GNAS: variants seen among roughly 807,000 people sequenced by gnomAD.
The protein encoded by GNAS is GNAS complex locus.
GNAS carries 8 observed loss-of-function variants against 54.5 expected under a neutral mutation model. The observed-to-expected ratio is 0.15, with a 90% CI of 0.09 to 0.26. GNAS has a LOEUF of 0.26. Among genes scored for constraint, GNAS ranks in the 10% least tolerant of loss-of-function variants. The pLI, the probability that GNAS is intolerant of heterozygous loss-of-function variation, is 1.00. For missense variants in GNAS, 170 were observed against 529.8 expected (o/e 0.32, Z 6.67); for synonymous variants, 204 against 191.4 (o/e 1.07, Z -0.54).
At chr20:58,874,682 G>GC (rs2087685696) in intron 1 of GNAS, among the ~76,000 whole-genome samples, 2 of 151,420 alleles carry the variant, frequency 1.3e-5, no homozygotes, top group African/African-American at 4.9e-5. Context: ...CTCCTGGCCT[G>GC]CCTTCTATCT....
intron 1 of GNAS, among the ~76,000 whole-genome samples, chr20:58,880,830 T>C (rs1194899416): frequency 6.6e-6 from 1 of 152,246 alleles, no homozygotes; most frequent in African/African-American, 2.4e-5. Context: ...TAGAGTTCTA[T>C]CCTTTAGTCA....
intron 3 of GNAS, chr20:58,899,592 T>C (rs888542279): frequency 5.3e-6 from 3 of 568,850 alleles, no homozygotes; most frequent in Admixed American, 2.4e-5. Context: ...TGGCATCTTT[T>C]ATTTTTCCAT....
chr20:58,886,987 G>A (rs552381504), upstream of GNAS, among the ~76,000 whole-genome samples: 8 of 152,326 alleles, frequency 5.3e-5, no homozygotes, highest in Middle Eastern at 6.8e-3. Context: ...CTGATCTTGC[G>A]TTACCCATTT....
At chr20:58,872,484 C>T (rs982064373) in intron 1 of GNAS, among the ~76,000 whole-genome samples, 1 of 152,174 alleles carries the variant, frequency 6.6e-6, no homozygotes, top group African/African-American at 2.4e-5. Flanking sequence ...TTTTACAAAT[C>T]GATGTCCTTG....
In GNAS at chr20:58,840,937, C is replaced by T. The variant is rs2085694235; in HGVS notation, c.43+51C>T. On this transcript the variant is annotated intron_variant, in intron 1 of 12. Coordinates refer to the GNAS transcript ENST00000306090. This position sits in a 1 kb window ranked among gnomAD's most constrained non-coding sequence, Gnocchi z 6.0. The stretch of plus-strand genomic sequence containing the variant: ...GAGCCTGAGGGCGGTGTGGGAGCAG[C>T]GCAGGTGGAAAGGAGGTGAGAAGGA... 6.3e-7 allele frequency: 1 copy of T among 1,594,634 alleles called. No homozygotes were observed. The highest frequency in any genetic ancestry group is 8.6e-7 in the Non-Finnish European group (1 of 1,167,830).
rs910087446 is a variant in GNAS, at chr20:58,891,629, GCCCGCCCGGCGCTGCCCCGGCCCT to G, written c.-93_-70del. On this transcript the variant is annotated 5_prime_UTR_variant, in exon 1 of 13. Transcript: ENST00000371085. ...GAGGAGCCGAGCCCGCGCCCGGCCCGCCCGCCCGGCGCTGCCCCGGCCCTCCCGGCCCGCGTGAGGCCGCCCGCG... is the reference window on the plus strand; with the variant it reads ...GAGGAGCCGAGCCCGCGCCCGGCCCGCCCGGCCCGCGTGAGGCCGCCCGCG... 1.1e-5 allele frequency: 11 copies of G among 962,262 alleles called. No individual in the cohort carries two copies. Among genetic ancestry groups the G allele is most frequent in the Non-Finnish European group, 1.3e-5 (11 of 819,630 alleles). 59.6% of individuals were successfully genotyped at this position (962,262 alleles called of 1,614,324 possible).
rs75346294 is a variant in GNAS, at chr20:58,856,178, C to G, written c.43+15292C>G. The G allele has an allele frequency of 6.9e-3, 1,081 of 156,798 alleles. 11 individuals carry two copies. The highest frequency in any genetic ancestry group is 0.024 in the African/African-American group (1,013 of 41,572). 9.7% of individuals were successfully genotyped at this position (156,798 alleles called of 1,614,324 possible). A position where few individuals can be genotyped will look rare whatever the true frequency, so the allele number is the denominator to read the frequency against. On this transcript the variant is annotated intron_variant, in intron 1 of 12. Transcript: ENST00000306090. The surrounding 1 kb of genome is among the most constrained non-coding windows in gnomAD (Gnocchi z 4.2). ...CTCACTTCTCATTCGTTCGCCAAAC[C>G]CTCCCGCCTTTACAGTTGAAAAACC...
At chr20:58,859,545 A>G (rs1325008154) in intron 1 of GNAS, among the ~76,000 whole-genome samples, 1 of 151,964 alleles carries the variant, frequency 6.6e-6, no homozygotes. Context: ...TTGTCTCTTG[A>G]AACAGTCCTG....
chr20:58,854,103 G>A lies in GNAS; in HGVS notation c.43+13217G>A, dbSNP rs542409237. 4.8e-5 allele frequency: 77 copies of A among 1,612,186 alleles called. No homozygotes were observed. In the East Asian group the frequency reaches 1.2e-3, roughly 26 times the overall value. ...CGCGCCTCCCCTCTGGGTCCCAGGC[G>A]CCATCGGCAGCCCATCCCAAGAGGC... On this transcript the variant is annotated intron_variant, in intron 1 of 12. Transcript: ENST00000306090.
chr20:58,882,882 T>C (rs1665969702), intron 1 of GNAS: 1 of 152,192 alleles, frequency 6.6e-6, no homozygotes, highest in African/African-American at 2.4e-5. Flanking sequence ...AATGAGAAGT[T>C]AGATTTTCTT....
upstream of GNAS, chr20:58,840,451 C>T: frequency 1.2e-6 from 2 of 1,613,406 alleles, no homozygotes; most frequent in South Asian, 1.1e-5. This position sits in a 1 kb window ranked among gnomAD's most constrained non-coding sequence, Gnocchi z 6.0. Flanking sequence ...AGAGCGAGAC[C>T]GAGTCCGAAA....
intron 2 of GNAS, 51 bp downstream of exon 2, chr20:58,895,735 A>C (rs2089983544): frequency 2.9e-6 from 3 of 1,049,054 alleles, no homozygotes; most frequent in Non-Finnish European, 3.0e-6. Flanking sequence ...AACAGACTTT[A>C]TACTAACCTT....
intron 1 of GNAS, chr20:58,884,705 T>G (rs1277333389): frequency 6.6e-6 from 1 of 152,236 alleles, no homozygotes; most frequent in Non-Finnish European, 1.5e-5. Context: ...TGAAAATTTT[T>G]CCCCAAGGGA....
At chr20:58,871,941 C>T (rs568577439) in intron 1 of GNAS, among the ~76,000 whole-genome samples, 75 of 152,244 alleles carry the variant, frequency 4.9e-4, no homozygotes, top group African/African-American at 1.7e-3. Flanking sequence ...GTGGCTGGCA[C>T]AGCTGAGGGG....
intron 1 of GNAS, among the ~76,000 whole-genome samples, chr20:58,880,837 G>T (rs996616589): frequency 6.6e-6 from 1 of 151,746 alleles, no homozygotes; most frequent in Non-Finnish European, 1.5e-5. Context: ...CTATCCTTTA[G>T]TCATAGTTTT....
At chr20:58,887,007 T>C (rs2088635861), upstream of GNAS, among the ~76,000 whole-genome samples, 1 of 152,222 alleles carries the variant, frequency 6.6e-6, no homozygotes, top group Non-Finnish European at 1.5e-5. Flanking sequence ...TCTAGGACAA[T>C]AGTCCCAATT....
In GNAS at chr20:58,911,014, C is replaced by G. The variant is rs569949958; in HGVS notation, c.*185C>G. 3 of 707,726 alleles carry G rather than the reference C, an allele frequency of 4.2e-6. No individual in the cohort carries two copies. The highest frequency in any genetic ancestry group is 2.0e-5 in the Admixed American group (1 of 49,700). The allele number at this position is 707,726 out of a possible 1,614,324, so 43.8% of individuals were successfully genotyped here. On this transcript the variant is annotated 3_prime_UTR_variant, in exon 13 of 13. Coordinates refer to ENST00000371085, the MANE Select transcript of GNAS (RefSeq NM_000516.7). ...GCTTAGATGTTCCAAATTTAGAAAG[C>G]TTAAGGCGGCCTACAGAAAAAGGAA...
chr20:58,854,879 C>G, intron 1 of GNAS: 3 of 1,594,490 alleles, frequency 1.9e-6, no homozygotes, highest in Non-Finnish European at 2.6e-6. Flanking sequence ...TCCAGGCTGC[C>G]GATCCGCCTA....
upstream of GNAS, chr20:58,840,624 C>CCTCCCCAAGT (rs746049514): frequency 1.2e-6 from 2 of 1,607,698 alleles, no homozygotes; most frequent in African/African-American, 2.7e-5. This position sits in a 1 kb window ranked among gnomAD's most constrained non-coding sequence, Gnocchi z 6.0. Context: ...AGCCCCGACG[C>CCTCCCCAAGT]CTCCCCAAGT....
Sources: gnomAD v4.1 joint callset for allele counts (sites outside exome capture counted in the v4.1 genomes callset) on GRCh38, gnomAD v4.1.1 for gene constraint, Gnocchi (gnomAD v3.1) non-coding constraint, MANE v1.5 for transcripts, NCBI Gene and HGNC (gene_info 2026-07-23, HGNC 2026-07-21) for gene names.